VPS13B: variants seen among roughly 807,000 people sequenced by gnomAD.
VPS13B encodes the protein vacuolar protein sorting 13 homolog B.
A neutral mutation model predicts 426.4 loss-of-function variants in VPS13B; 285 were observed. That is an observed-to-expected ratio of 0.67 (90% confidence interval 0.61 to 0.74). The LOEUF (loss-of-function observed/expected upper bound fraction) is 0.74, where lower values mean the gene tolerates loss of function less well. Ranked by LOEUF, VPS13B falls within the 30% of genes least tolerant of loss-of-function variation. The probability of loss-of-function intolerance (pLI) is 0.00; values close to 1 mark genes in which losing one functional copy is unlikely to be tolerated. For synonymous variants in VPS13B, 1,676 were observed against 1,676.4 expected, an observed-to-expected ratio of 1.00 and a Z score of 0.01; for missense variants, 4,537 against 4,782.6, an observed-to-expected ratio of 0.95 and a Z score of 1.51.
rs2132728587 is a variant in VPS13B, at chr8:99,193,052, GTA to G, written c.2513_2514del (p.Ile838ArgfsTer5). On this transcript the variant is annotated frameshift_variant, in exon 17 of 62. Coordinates refer to ENST00000357162, the MANE Select transcript of VPS13B (RefSeq NM_152564.5). LOFTEE classifies it high-confidence loss of function. ...GCTTTGATAAATGAAATCTTCCTAA[GTA>G]TAGGTAAGAGCACAGTCTTTTTGAT... The G allele has an allele frequency of 6.2e-7, 1 of 1,613,366 alleles. No homozygotes were observed. The highest frequency in any genetic ancestry group is 1.1e-5 in the South Asian group (1 of 91,064).
intron 13 of VPS13B, among the ~76,000 whole-genome samples, chr8:99,143,466 A>G (rs572242147): frequency 1.8e-4 from 28 of 152,102 alleles, no homozygotes; most frequent in African/African-American, 6.7e-4. Context: ...TTTCACATTA[A>G]TGGATTCTAA....
At chr8:99,163,977 C>T (rs935205824) in intron 15 of VPS13B, among the ~76,000 whole-genome samples, 1 of 152,158 alleles carries the variant, frequency 6.6e-6, no homozygotes, top group Non-Finnish European at 1.5e-5. Context: ...CCCCTCTAAA[C>T]AGGACACCCC....
At chr8:99,737,181 C>T (rs1057153203) in intron 39 of VPS13B, among the ~76,000 whole-genome samples, 16 of 114,790 alleles carry the variant, frequency 1.4e-4, no homozygotes, top group Admixed American at 1.2e-3. Flanking sequence ...AGTGCAGGGG[C>T]GCGATCTCTG....
chr8:99,752,239 C>T (rs1434398940), intron 39 of VPS13B, among the ~76,000 whole-genome samples: 2 of 151,970 alleles, frequency 1.3e-5, no homozygotes, highest in Non-Finnish European at 2.9e-5. Flanking sequence ...AAAAGGCAGG[C>T]AATGCCTTTA....
intron 17 of VPS13B, among the ~76,000 whole-genome samples, chr8:99,217,406 C>A (rs1034976030): frequency 6.6e-6 from 1 of 152,094 alleles, no homozygotes; most frequent in South Asian, 2.1e-4. Context: ...ATGATAGTAC[C>A]TAAGAATGTG....
chr8:99,543,867 A>G (rs1361815165), intron 30 of VPS13B, among the ~76,000 whole-genome samples: 1 of 146,676 alleles, frequency 6.8e-6, no homozygotes, highest in African/African-American at 2.5e-5. Context: ...TGTTGGTGGG[A>G]CTGTAAACTA....
At chr8:99,217,168 C>A (rs1349349212) in intron 17 of VPS13B, among the ~76,000 whole-genome samples, 1 of 152,054 alleles carries the variant, frequency 6.6e-6, no homozygotes. Context: ...TGTTTATTCC[C>A]TCTAATAACA....
At chr8:99,067,413 T>C (rs1175454515) in intron 3 of VPS13B, among the ~76,000 whole-genome samples, 1 of 152,134 alleles carries the variant, frequency 6.6e-6, no homozygotes, top group Non-Finnish European at 1.5e-5. Context: ...AAACACCGCA[T>C]GATCTCACTC....
At chr8:99,105,015 G>C (rs746299501) in intron 5 of VPS13B, among the ~76,000 whole-genome samples, 13 of 152,126 alleles carry the variant, frequency 8.5e-5, no homozygotes, top group Non-Finnish European at 1.3e-4. Context: ...CCAGTTAAAG[G>C]GTTAAAGCAA....
chr8:99,561,859 C>G (rs1824940004), intron 31 of VPS13B, among the ~76,000 whole-genome samples: 1 of 152,188 alleles, frequency 6.6e-6, no homozygotes, highest in African/African-American at 2.4e-5. Context: ...TGCTTTTTGG[C>G]TACTGTGAAT....
At chr8:99,031,512 A>G (rs1842505171) in intron 2 of VPS13B, among the ~76,000 whole-genome samples, 1 of 152,204 alleles carries the variant, frequency 6.6e-6, no homozygotes, top group African/African-American at 2.4e-5. Flanking sequence ...CTAGAGGAAC[A>G]ACCACCTCTT....
chr8:99,233,175 G>T, intron 17 of VPS13B: 1 of 1,398,050 alleles, frequency 7.2e-7, no homozygotes, highest in South Asian at 1.2e-5. Flanking sequence ...TAATTCTGAT[G>T]ATCACTTCCT....
chr8:99,654,588 G>T (rs182210653), intron 34 of VPS13B, among the ~76,000 whole-genome samples: 1 of 152,140 alleles, frequency 6.6e-6, no homozygotes, highest in Non-Finnish European at 1.5e-5. Flanking sequence ...CAGTGGTCAA[G>T]AAGTGACTGT....
At chr8:99,513,023 A>T (rs1430154299) in intron 29 of VPS13B, among the ~76,000 whole-genome samples, 1 of 151,976 alleles carries the variant, frequency 6.6e-6, no homozygotes, top group Non-Finnish European at 1.5e-5. Flanking sequence ...GGGAAAAAAA[A>T]AAAAAAAACC....
At chr8:99,793,997 A>G (rs930337546) in intron 43 of VPS13B, among the ~76,000 whole-genome samples, 3 of 152,204 alleles carry the variant, frequency 2.0e-5, no homozygotes, top group Non-Finnish European at 2.9e-5. Flanking sequence ...GGTGCTTCAC[A>G]CCTATAATCC....
In VPS13B at chr8:99,481,543, G is replaced by T. The variant is rs1453943369; in HGVS notation, c.3667-56G>T. Reference sequence around the variant, plus strand: ...ATTTTCTCATATTATTATTTTAGTGGATTGAAACTGGAAGTTGAAAGACTT... The same window carrying T: ...ATTTTCTCATATTATTATTTTAGTGTATTGAAACTGGAAGTTGAAAGACTT... On this transcript the variant is annotated intron_variant, in intron 24 of 61. Coordinates refer to ENST00000357162, the MANE Select transcript of VPS13B (RefSeq NM_152564.5). 1.9e-6 allele frequency: 3 copies of T among 1,546,722 alleles called. No homozygotes were observed. The Admixed American group carries it at 5.0e-5, about 26-fold the overall frequency.
At chr8:99,288,051 A>G (rs2133037886) in intron 19 of VPS13B, among the ~76,000 whole-genome samples, 1 of 152,176 alleles carries the variant, frequency 6.6e-6, no homozygotes, top group East Asian at 1.9e-4. Context: ...GATAATCACA[A>G]ATTATCTTTG....
chr8:99,559,864 T>G (rs923741762), intron 31 of VPS13B, among the ~76,000 whole-genome samples: 8 of 152,166 alleles, frequency 5.3e-5, no homozygotes, highest in Non-Finnish European at 8.8e-5. Context: ...TTGTTCTTTT[T>G]GCTTAGGATT....
At chr8:99,108,966 A>G (rs1847199881) in intron 5 of VPS13B, among the ~76,000 whole-genome samples, 1 of 152,170 alleles carries the variant, frequency 6.6e-6, no homozygotes, top group African/African-American at 2.4e-5. Flanking sequence ...GTAGAATATG[A>G]CAGTGAATCC....
Sources: allele counts gnomAD v4.1 joint callset (sites outside exome capture counted in the v4.1 genomes callset), GRCh38; gene constraint gnomAD v4.1.1; transcripts MANE v1.5; gene names NCBI Gene and HGNC (gene_info 2026-07-23, HGNC 2026-07-21).